The following CACNA2D1 variants were observed in gnomAD, a reference collection of about 807,000 sequenced individuals.
CACNA2D1 encodes the protein voltage-dependent calcium channel subunit alpha-2/delta-1.
A neutral mutation model predicts 171.5 loss-of-function variants in CACNA2D1; 53 were observed. The observed-to-expected ratio is 0.31, with a 90% confidence interval of 0.25 to 0.39. CACNA2D1 has a LOEUF of 0.39. Among genes scored for constraint, CACNA2D1 ranks in the 10% least tolerant of loss-of-function variants. CACNA2D1 has a pLI of 1.00. For synonymous variants in CACNA2D1, 442 were observed against 443.1 expected (o/e 1.00, Z 0.03); for missense variants, 903 against 1,299.8 (o/e 0.69, Z 4.69).
At chr7:81,951,764 A>G (rs2129958189) in intron 38 of CACNA2D1, among the ~76,000 whole-genome samples, 1 of 151,980 alleles carries the variant, frequency 6.6e-6, no homozygotes, top group East Asian at 1.9e-4. Flanking sequence ...TTGGTTCCAC[A>G]TTTTTGCAAT....
intron 12 of CACNA2D1, among the ~76,000 whole-genome samples, chr7:82,018,382 A>G (rs766272357): frequency 6.6e-6 from 1 of 152,168 alleles, no homozygotes; most frequent in Non-Finnish European, 1.5e-5. Context: ...GTTATCCAAC[A>G]TATCAGTAAG....
rs551310023 is a variant in CACNA2D1 at position 81,946,446 on chromosome 7, AC to A, written c.*3945del. 91 of 152,252 alleles carry A rather than the reference AC, an allele frequency of 6.0e-4. No homozygotes were observed. Among genetic ancestry groups the A allele is most frequent in the African/African-American group, 2.1e-3 (86 of 41,566 alleles). 9.4% of individuals were successfully genotyped at this position (152,252 alleles called of 1,614,324 possible). On this transcript the variant is annotated 3_prime_UTR_variant, in exon 39 of 39. Coordinates refer to ENST00000356860, the MANE Select transcript of CACNA2D1 (RefSeq NM_000722.4). ...AGCAGAAAACCCAAACCGCGTGGTGACTTTAAATGATAAACTTTTATTCTGA... is the reference window on the plus strand; with the variant it reads ...AGCAGAAAACCCAAACCGCGTGGTGATTTAAATGATAAACTTTTATTCTGA...
chr7:82,295,861 A>G (rs2129420267), intron 3 of CACNA2D1, among the ~76,000 whole-genome samples: 1 of 152,174 alleles, frequency 6.6e-6, no homozygotes, highest in Non-Finnish European at 1.5e-5. Flanking sequence ...AACCAACCCA[A>G]ATGTCCAACA....
chr7:82,442,216 T>C (rs1479705052), intron 1 of CACNA2D1, among the ~76,000 whole-genome samples: 1 of 152,198 alleles, frequency 6.6e-6, no homozygotes, highest in Non-Finnish European at 1.5e-5. Flanking sequence ...TTTCAACCGC[T>C]AAAGATTCAC....
intron 6 of CACNA2D1, among the ~76,000 whole-genome samples, chr7:82,087,819 C>T (rs1184898391): frequency 6.6e-6 from 1 of 152,102 alleles, no homozygotes; most frequent in East Asian, 1.9e-4. Context: ...TATTAGCACA[C>T]TCAGGATAAA....
chr7:82,320,340 A>G (rs986226359), intron 3 of CACNA2D1, among the ~76,000 whole-genome samples: 2 of 152,178 alleles, frequency 1.3e-5, no homozygotes, highest in African/African-American at 4.8e-5. Context: ...TAAACAAAAA[A>G]GAGAGAAGGA....
At chr7:82,056,948 G>A (rs983086123) in intron 10 of CACNA2D1, among the ~76,000 whole-genome samples, 2 of 122,180 alleles carry the variant, frequency 1.6e-5, no homozygotes, top group South Asian at 5.0e-4. Flanking sequence ...GACTCACAGG[G>A]TCTACCATAT....
rs1290880407 is a variant in CACNA2D1 at position 82,045,093 on chromosome 7, A to G, written c.880-6858T>C. On this transcript the variant is annotated intron_variant, in intron 10 of 38. Coordinates refer to ENST00000356860, the MANE Select transcript of CACNA2D1 (RefSeq NM_000722.4). ...GTATGTCTTTGAATTTCAGAAGTCA[A>G]TAAATGAATAGAAAAGCCCAGATTA... Among the ~76,000 whole-genome samples the G allele has an allele frequency of 2.1e-5, 3 of 142,300 alleles. No individual in the cohort carries two copies. In the South Asian group the frequency reaches 7.1e-4, roughly 34 times the overall value. 93.4% of individuals were successfully genotyped at this position (142,300 alleles called of 152,430 possible).
chr7:82,272,906 C>G (rs898588293), intron 3 of CACNA2D1, among the ~76,000 whole-genome samples: 1 of 152,058 alleles, frequency 6.6e-6, no homozygotes, highest in Non-Finnish European at 1.5e-5. Flanking sequence ...GTAAGCCACT[C>G]CTAATTTCCT....
intron 12 of CACNA2D1, among the ~76,000 whole-genome samples, chr7:82,030,567 G>A (rs1562894229): frequency 6.6e-6 from 1 of 151,602 alleles, no homozygotes; most frequent in Non-Finnish European, 1.5e-5. Context: ...AAAATTCATT[G>A]CCATCTTTGA....
At chr7:82,106,682 T>C (rs1486267524) in intron 6 of CACNA2D1, among the ~76,000 whole-genome samples, 2 of 152,160 alleles carry the variant, frequency 1.3e-5, no homozygotes, top group Non-Finnish European at 2.9e-5. Context: ...GCCTAGGTAA[T>C]TGTGAAAACC....
At position 82,160,532 on chromosome 7, in the gene CACNA2D1, G is replaced by A. The variant is rs1055772193; in HGVS notation, c.354+10018C>T. On this transcript the variant is annotated intron_variant, in intron 4 of 38. Transcript: ENST00000356860. The stretch of plus-strand genomic sequence containing the variant: ...AAGATTTGGGAGATATGTGGAAGGT[G>A]AGAAGAAATGCTCCATTACCTAGGC... 3.9e-5 allele frequency among the ~76,000 whole-genome samples: 6 copies of A among 152,170 alleles called. No individual in the cohort carries two copies. In the East Asian group the frequency reaches 9.7e-4, roughly 25 times the overall value.
chr7:82,389,077 C>T, intron 1 of CACNA2D1, among the ~76,000 whole-genome samples: 1 of 150,828 alleles, frequency 6.6e-6, no homozygotes, highest in African/African-American at 2.4e-5. Context: ...GATGCCGCCA[C>T]TGCACTCCAG....
At chr7:82,211,512 A>C (rs1009648221) in intron 3 of CACNA2D1, among the ~76,000 whole-genome samples, 1 of 152,224 alleles carries the variant, frequency 6.6e-6, no homozygotes, top group African/African-American at 2.4e-5. Context: ...TGCCAGCTGC[A>C]TCTGTGTTGC....
At chr7:82,178,074 G>A (rs933642194) in intron 3 of CACNA2D1, among the ~76,000 whole-genome samples, 2 of 152,078 alleles carry the variant, frequency 1.3e-5, no homozygotes, top group Non-Finnish European at 2.9e-5. Context: ...AGCTTTAAGG[G>A]AGTGTAATAT....
In CACNA2D1 at chr7:82,340,092, A is replaced by G. The variant is rs118062255; in HGVS notation, c.178-4841T>C. Among the ~76,000 whole-genome samples the G allele has an allele frequency of 9.8e-3, 1,485 of 152,286 alleles. 49 individuals are homozygous for G. Among genetic ancestry groups the G allele is most frequent in the Admixed American group, 0.064 (971 of 15,290 alleles). On this transcript the variant is annotated intron_variant, in intron 2 of 38. Transcript: ENST00000356860. ...ACAGAAAGGACTTCTCATCTCCAGA[A>G]TTGTAAGATAATGAATCTGCATTGT...
Position 82,032,871 on chromosome 7 carries a change from T to G in CACNA2D1, c.1069A>C (p.Ile357Leu). The change falls in exon 12 of 39, where the codon ATT (isoleucine) becomes CTT (leucine). Residue 357 changes from isoleucine (I) to leucine (L), a missense_variant. This residue lies in a region of CACNA2D1 where 623 missense variants were observed against 925.5 expected (regional missense o/e 0.67). Coordinates refer to ENST00000356860, the MANE Select transcript of CACNA2D1 (RefSeq NM_000722.4). Reference protein sequence around the residue: ...YNVSRANCNKIIMLFTDGGEE... With the variant: ...YNVSRANCNKLIMLFTDGGEE... ...CCTCCATCCGTGAATAGCATAATAATCTTATTGCAGTTTGCTCTGGAAACA... is the reference window on the plus strand; with the variant it reads ...CCTCCATCCGTGAATAGCATAATAAGCTTATTGCAGTTTGCTCTGGAAACA... 6.2e-7 allele frequency: 1 copy of G among 1,600,670 alleles called. No homozygotes were observed. Among genetic ancestry groups the G allele is most frequent in the East Asian group, 2.2e-5 (1 of 44,752 alleles).
At chr7:82,156,444 A>C (rs1358713237) in intron 4 of CACNA2D1, among the ~76,000 whole-genome samples, 1 of 152,162 alleles carries the variant, frequency 6.6e-6, no homozygotes, top group Non-Finnish European at 1.5e-5. Context: ...GGAGAACGTG[A>C]TAAATCAATC....
intron 1 of CACNA2D1, among the ~76,000 whole-genome samples, chr7:82,412,643 A>G (rs1362068022): frequency 6.6e-6 from 1 of 151,848 alleles, no homozygotes; most frequent in Non-Finnish European, 1.5e-5. Flanking sequence ...TGTGGAAATC[A>G]TTTGTTAGTC....
Sources: gnomAD v4.1 joint callset for allele counts (sites outside exome capture counted in the v4.1 genomes callset) on GRCh38, gnomAD v4.1.1 for gene constraint, gnomAD v4.1.1 regional missense constraint, MANE v1.5 for transcripts, NCBI Gene and HGNC (gene_info 2026-07-23, HGNC 2026-07-21) for gene names.